Variants in MIR2052HG observed in about 807,000 individuals in gnomAD.
The protein encoded by MIR2052HG is MIR2052 host gene.
chr8:74,713,873 T>C (rs796623117), intron 4 of MIR2052HG, among the ~76,000 whole-genome samples: 10 of 152,192 alleles, frequency 6.6e-5, no homozygotes, highest in African/African-American at 2.4e-4. Flanking sequence ...AGAAAAACCA[T>C]ATTAAAGAGA....
chr8:74,652,160 A>T (rs1269040805), intron 2 of MIR2052HG, among the ~76,000 whole-genome samples: 12 of 152,162 alleles, frequency 7.9e-5, no homozygotes, highest in Admixed American at 7.9e-4. Context: ...CACATTACAG[A>T]CTGTCTCCTG....
chr8:74,702,362 C>G, intron 2 of MIR2052HG: 2 of 451,730 alleles, frequency 4.4e-6, no homozygotes, highest in Middle Eastern at 6.6e-4. Flanking sequence ...CTAACTCTCA[C>G]TAGCTTCCTT....
rs541001991 is a variant in MIR2052HG, at chr8:74,754,696, T to C, written n.464+2163T>C. Among the ~76,000 whole-genome samples, 29 of 149,710 alleles carry C rather than the reference T, an allele frequency of 1.9e-4. No homozygotes were observed. In the East Asian group the frequency reaches 4.8e-3, roughly 25 times the overall value. ...AAGAGAACTGTGGGTCAGGTGCCCT[T>C]AGGGCACCCCTGAAAGTTAGACGCA... is the stretch of plus-strand genomic sequence containing the variant. On this transcript the variant is annotated intron_variant and non_coding_transcript_variant, in intron 5 of 6. Transcript: ENST00000523442.
At chr8:74,612,921 A>G in exon 2 of MIR2052HG, 2 of 456,248 alleles carry the variant, frequency 4.4e-6, no homozygotes, top group African/African-American at 2.0e-5. Context: ...CCAGAAAAGG[A>G]TCCAGAACTG....
At chr8:74,733,999 T>C (rs896943069) in intron 4 of MIR2052HG, among the ~76,000 whole-genome samples, 9 of 152,212 alleles carry the variant, frequency 5.9e-5, no homozygotes, top group Non-Finnish European at 1.0e-4. Context: ...CTAATTAAAC[T>C]AAAGAGCTTC....
intron 2 of MIR2052HG, among the ~76,000 whole-genome samples, chr8:74,663,029 C>A (rs912692102): frequency 1.3e-5 from 2 of 152,036 alleles, no homozygotes; most frequent in South Asian, 4.1e-4. Context: ...CACAAAATTG[C>A]ATCTTATTTT....
At chr8:74,620,094 G>A (rs1221367179) in intron 2 of MIR2052HG, among the ~76,000 whole-genome samples, 1 of 152,206 alleles carries the variant, frequency 6.6e-6, no homozygotes, top group African/African-American at 2.4e-5. Context: ...ATCCAATAGA[G>A]CAGTCATTAA....
chr8:74,751,632 T>C (rs893801393), intron 4 of MIR2052HG, among the ~76,000 whole-genome samples: 3 of 152,288 alleles, frequency 2.0e-5, no homozygotes, highest in African/African-American at 7.2e-5. Context: ...AAAACTACTG[T>C]GAATAACAAG....
At chr8:74,614,794 G>A (rs977150999) in intron 2 of MIR2052HG, among the ~76,000 whole-genome samples, 3 of 151,176 alleles carry the variant, frequency 2.0e-5, no homozygotes, top group Non-Finnish European at 2.9e-5. Context: ...GATATAGGGT[G>A]GATGAATATT....
At chr8:74,659,598 A>C (rs1808840372) in intron 2 of MIR2052HG, among the ~76,000 whole-genome samples, 1 of 152,032 alleles carries the variant, frequency 6.6e-6, no homozygotes, top group Non-Finnish European at 1.5e-5. Context: ...ATACCACTGC[A>C]CCTGGCTAAC....
chr8:74,639,014 C>G (rs1808611825), intron 2 of MIR2052HG, among the ~76,000 whole-genome samples: 1 of 152,050 alleles, frequency 6.6e-6, no homozygotes, highest in African/African-American at 2.4e-5. Flanking sequence ...CTACCAATAG[C>G]AAGAGGAAAA....
At chr8:74,687,153 C>A (rs1268464197) in intron 2 of MIR2052HG, among the ~76,000 whole-genome samples, 1 of 152,084 alleles carries the variant, frequency 6.6e-6, no homozygotes, top group Non-Finnish European at 1.5e-5. Flanking sequence ...GAATTTATCA[C>A]CTCACACCTG....
At chr8:74,640,745 G>A (rs1193929118) in intron 2 of MIR2052HG, among the ~76,000 whole-genome samples, 2 of 151,812 alleles carry the variant, frequency 1.3e-5, no homozygotes, top group Non-Finnish European at 2.9e-5. Flanking sequence ...CATAAACATC[G>A]TCCTTTTTAA....
At chr8:74,674,956 A>G (rs1809034977) in intron 2 of MIR2052HG, among the ~76,000 whole-genome samples, 1 of 151,904 alleles carries the variant, frequency 6.6e-6, no homozygotes, top group Non-Finnish European at 1.5e-5. Context: ...CCTGTTAATC[A>G]TATTGGTAAA....
At chr8:74,606,218 C>T (rs1228679347) in intron 1 of MIR2052HG, among the ~76,000 whole-genome samples, 2 of 152,098 alleles carry the variant, frequency 1.3e-5, no homozygotes, top group Non-Finnish European at 2.9e-5. Flanking sequence ...TATAGCTTGC[C>T]ACAGTATCTT....
chr8:74,727,930 G>C (rs770266317), intron 4 of MIR2052HG, among the ~76,000 whole-genome samples: 11 of 150,732 alleles, frequency 7.3e-5, no homozygotes, highest in South Asian at 2.1e-4. Flanking sequence ...AGTTCATTGT[G>C]CATGTAGGAT....
intron 2 of MIR2052HG, among the ~76,000 whole-genome samples, chr8:74,646,259 T>G (rs1808689177): frequency 6.6e-6 from 1 of 152,182 alleles, no homozygotes; most frequent in South Asian, 2.1e-4. Context: ...GTAAGAGACT[T>G]TCATTCAAGT....
At chr8:74,603,562 G>A in intron 1 of MIR2052HG, 6 of 1,540,302 alleles carry the variant, frequency 3.9e-6, no homozygotes, top group South Asian at 3.4e-5. Flanking sequence ...ACTGAATCCA[G>A]TGTTGCCATG....
intron 4 of MIR2052HG, among the ~76,000 whole-genome samples, chr8:74,742,297 C>T (rs2128755833): frequency 6.6e-6 from 1 of 152,270 alleles, no homozygotes; most frequent in South Asian, 2.1e-4. Context: ...CTTTAATGTT[C>T]CACGTAGATT....
Sources: allele counts gnomAD v4.1 joint callset (sites outside exome capture counted in the v4.1 genomes callset), GRCh38; gene constraint gnomAD v4.1.1; transcripts MANE v1.5; gene names NCBI Gene and HGNC (gene_info 2026-07-23, HGNC 2026-07-21).